The following RORA variants were observed in gnomAD, a reference collection of about 807,000 sequenced individuals.
The protein encoded by RORA is nuclear receptor ROR-alpha.
Under a neutral mutation model 69.5 loss-of-function variants are expected in RORA, and 7 were observed. The observed-to-expected ratio is 0.10, with a 90% confidence interval of 0.06 to 0.19. The LOEUF (loss-of-function observed/expected upper bound fraction) is 0.19, where lower values mean the gene tolerates loss of function less well. Ranked by LOEUF, RORA falls within the 10% of genes least tolerant of loss-of-function variation. The pLI, the probability that RORA is intolerant of heterozygous loss-of-function variation, is 1.00. For synonymous variants in RORA, 261 were observed against 240.8 expected (o/e 1.08, Z -0.78); for missense variants, 457 against 663.0 (o/e 0.69, Z 3.41).
intron 1 of RORA, among the ~76,000 whole-genome samples, chr15:61,149,904 C>A (rs180923698): frequency 2.0e-5 from 3 of 152,284 alleles, no homozygotes; most frequent in African/African-American, 4.8e-5. Flanking sequence ...GAACAGATAT[C>A]GGACTGGGAG....
chr15:60,988,488 G>T (rs1894277833), intron 1 of RORA, among the ~76,000 whole-genome samples: 1 of 152,134 alleles, frequency 6.6e-6, no homozygotes, highest in South Asian at 2.1e-4. Flanking sequence ...TTGCTCATCT[G>T]TTGTTCCGCC....
chr15:60,958,193 AGTG>A (rs1449652993), intron 1 of RORA, among the ~76,000 whole-genome samples: 2 of 152,208 alleles, frequency 1.3e-5, no homozygotes, highest in African/African-American at 4.8e-5. Flanking sequence ...ATTTTCCTAA[AGTG>A]GTGATGGCAG....
intron 1 of RORA, among the ~76,000 whole-genome samples, chr15:61,210,955 C>T (rs972546415): frequency 6.6e-6 from 1 of 152,204 alleles, no homozygotes; most frequent in African/African-American, 2.4e-5. Context: ...GTGGCCAAGG[C>T]GAAAGCAGTC....
chr15:60,835,301 A>C (rs1183858781), intron 1 of RORA, among the ~76,000 whole-genome samples: 1 of 152,210 alleles, frequency 6.6e-6, no homozygotes, highest in African/African-American at 2.4e-5. Flanking sequence ...AATTTTAATA[A>C]AAATGGAAAG....
At chr15:61,211,292 A>AT (rs1555420736) in intron 1 of RORA, among the ~76,000 whole-genome samples, 64 of 75,188 alleles carry the variant, frequency 8.5e-4, no homozygotes, top group East Asian at 2.8e-3. Flanking sequence ...AGCAAAAAAA[A>AT]AAAAAAAAAA....
In RORA at chr15:61,061,500, G is replaced by C. The variant is rs1329255899; in HGVS notation, c.166+167553C>G. ...GGATGCTGTGAGCAGGGGCTTGGTA[G>C]GCCAGGATAGACAAACTTCTGACCT... On this transcript the variant is annotated intron_variant, in intron 1 of 10. Transcript: ENST00000335670. The surrounding 1 kb of genome is among the most constrained non-coding windows in gnomAD (Gnocchi z 4.4). Among the ~76,000 whole-genome samples the C allele has an allele frequency of 2.6e-5, 4 of 152,090 alleles. No homozygotes were observed. The highest frequency in any genetic ancestry group is 5.9e-5 in the Non-Finnish European group (4 of 68,014).
At chr15:60,799,681 T>C (rs2072551185) in intron 1 of RORA, among the ~76,000 whole-genome samples, 1 of 152,054 alleles carries the variant, frequency 6.6e-6, no homozygotes. Flanking sequence ...CATGCCAAGA[T>C]GCACTGAAAA....
intron 1 of RORA, among the ~76,000 whole-genome samples, chr15:61,035,999 A>G (rs141017012): frequency 6.6e-6 from 1 of 152,362 alleles, no homozygotes; most frequent in Non-Finnish European, 1.5e-5. Flanking sequence ...AATGAGGGAA[A>G]GGGGTTAAGA....
intron 1 of RORA, among the ~76,000 whole-genome samples, chr15:61,057,210 A>G (rs2078108603): frequency 6.6e-6 from 1 of 152,228 alleles, no homozygotes; most frequent in African/African-American, 2.4e-5. Context: ...TGGAACATCT[A>G]CATAAAATGA....
intron 2 of RORA, among the ~76,000 whole-genome samples, chr15:60,532,100 T>C (rs969569784): frequency 1.3e-5 from 2 of 152,198 alleles, no homozygotes; most frequent in African/African-American, 4.8e-5. Context: ...ACAAGAAGAC[T>C]GGAATCAGCA....
chr15:60,719,176 T>G (rs2071261892), intron 1 of RORA, among the ~76,000 whole-genome samples: 1 of 152,238 alleles, frequency 6.6e-6, no homozygotes, highest in South Asian at 2.1e-4. Flanking sequence ...GAATTATTAA[T>G]TTTCTTTTGG....
intron 2 of RORA, among the ~76,000 whole-genome samples, chr15:60,631,946 T>C (rs2069746309): frequency 6.6e-6 from 1 of 152,232 alleles, no homozygotes; most frequent in African/African-American, 2.4e-5. Flanking sequence ...CTCGCTTTAC[T>C]CTTCTCCGGG....
chr15:60,639,879 A>G (rs189575727), intron 2 of RORA, among the ~76,000 whole-genome samples: 2 of 152,310 alleles, frequency 1.3e-5, no homozygotes, highest in East Asian at 3.9e-4. Flanking sequence ...TTTGCTTACA[A>G]TGTCATAAAG....
At chr15:60,935,021 A>T (rs898010166) in intron 1 of RORA, among the ~76,000 whole-genome samples, 3 of 152,242 alleles carry the variant, frequency 2.0e-5, no homozygotes, top group Admixed American at 1.3e-4. Flanking sequence ...ACATAATTCT[A>T]TGCAGTAGGT....
At chr15:60,798,685 T>A (rs1030785518) in intron 1 of RORA, among the ~76,000 whole-genome samples, 1 of 151,970 alleles carries the variant, frequency 6.6e-6, no homozygotes, top group Non-Finnish European at 1.5e-5. Flanking sequence ...GGCAGCATGG[T>A]AGCGGGGAGG....
intron 1 of RORA, among the ~76,000 whole-genome samples, chr15:60,914,620 GT>G (rs974875466): frequency 1.3e-5 from 2 of 152,056 alleles, no homozygotes; most frequent in South Asian, 2.1e-4. Flanking sequence ...TCTTTCCCAT[GT>G]TTTTTTTCTT....
intron 1 of RORA, chr15:60,736,711 C>T (rs2071504820): frequency 6.6e-6 from 1 of 152,168 alleles, no homozygotes; most frequent in Admixed American, 6.5e-5. Context: ...TCAACACTCT[C>T]TACCTTGCTC....
At chr15:61,189,158 T>A (rs1431728731) in intron 1 of RORA, among the ~76,000 whole-genome samples, 2 of 152,226 alleles carry the variant, frequency 1.3e-5, no homozygotes, top group East Asian at 3.8e-4. Flanking sequence ...GTCTTCTTCA[T>A]CTTTGACCCC....
chr15:60,557,138 C>T (rs1279597503), intron 2 of RORA, among the ~76,000 whole-genome samples: 1 of 152,198 alleles, frequency 6.6e-6, no homozygotes, highest in East Asian at 1.9e-4. Context: ...TGTTCTACTA[C>T]TATTTGCTGG....
Sources: allele counts gnomAD v4.1 joint callset (sites outside exome capture counted in the v4.1 genomes callset), GRCh38; gene constraint gnomAD v4.1.1; non-coding constraint Gnocchi (gnomAD v3.1); transcripts MANE v1.5; gene names NCBI Gene and HGNC (gene_info 2026-07-23, HGNC 2026-07-21).